The following DIXDC1 variants were observed in gnomAD, a reference collection of about 807,000 sequenced individuals.
DIXDC1 encodes dixin.
Under a neutral mutation model 103.1 loss-of-function variants are expected in DIXDC1, and 64 were observed. That is an observed-to-expected ratio of 0.62 (90% CI 0.51 to 0.76). The LOEUF (loss-of-function observed/expected upper bound fraction) is 0.76. Among genes scored for constraint, DIXDC1 ranks in the 30% least tolerant of loss-of-function variants. The pLI, the probability that DIXDC1 is intolerant of heterozygous loss-of-function variation, is 0.00. For missense variants in DIXDC1, 759 were observed against 834.2 expected (o/e 0.91, Z 1.11); for synonymous variants, 266 against 298.5 (o/e 0.89, Z 1.12).
At chr11:111,986,675 A>T (rs1860502038) in intron 8 of DIXDC1, among the ~76,000 whole-genome samples, 196 bp from the exon 9 acceptor site, 1 of 151,962 alleles carries the variant, frequency 6.6e-6, no homozygotes, top group Admixed American at 6.6e-5. Flanking sequence ...ACCCATACTT[A>T]TTCTAAGCTT....
At chr11:111,944,028 T>A (rs587747246) in intron 1 of DIXDC1, among the ~76,000 whole-genome samples, 1 of 152,124 alleles carries the variant, frequency 6.6e-6, no homozygotes, top group East Asian at 1.9e-4. Context: ...GCTGAAAGAG[T>A]TAATAGAAAA....
chr11:111,967,644 C>A (rs1163578187), intron 2 of DIXDC1, among the ~76,000 whole-genome samples: 1 of 152,178 alleles, frequency 6.6e-6, no homozygotes, highest in Non-Finnish European at 1.5e-5. Flanking sequence ...CTTGCCCAGG[C>A]TAGTCTTGAA....
At position 111,996,157 on chromosome 11, in the gene DIXDC1, A is replaced by G; in HGVS notation, c.1756+11A>G. ...GGCCCCCTAACTCAAGTAAGTACCC[A>G]TTTTTGCTCAGTAGGGACTCCTAGC... On this transcript the variant is annotated intron_variant, in intron 17 of 19. Coordinates refer to ENST00000440460, the MANE Select transcript of DIXDC1 (RefSeq NM_001037954.4). 1 of 1,612,352 alleles carries G rather than the reference A, an allele frequency of 6.2e-7. No homozygotes were observed. Among genetic ancestry groups the G allele is most frequent in the Non-Finnish European group, 8.5e-7 (1 of 1,179,242 alleles).
In DIXDC1 at chr11:111,977,416, G is replaced by C. The variant is rs898922352; in HGVS notation, c.656+2433G>C. 1.4e-4 allele frequency: 160 copies of C among 1,169,660 alleles called. No homozygotes were observed. The African/African-American group carries it at 2.2e-3, about 16-fold the overall frequency. 72.5% of individuals were successfully genotyped at this position (1,169,660 alleles called of 1,614,324 possible). A position where few individuals can be genotyped will look rare whatever the true frequency, so the allele number is the denominator to read the frequency against. On this transcript the variant is annotated intron_variant, in intron 5 of 19. Transcript: ENST00000440460. The surrounding 1 kb of genome is among the most constrained non-coding windows in gnomAD (Gnocchi z 6.1). ...AGATGGGTTGAGATGCCCCCGCCAGGGGGGATGCCCGGCACCGTGCGTCCG... is the reference window on the plus strand; with the variant it reads ...AGATGGGTTGAGATGCCCCCGCCAGCGGGGATGCCCGGCACCGTGCGTCCG...
intron 17 of DIXDC1, among the ~76,000 whole-genome samples, chr11:111,999,516 C>G (rs1861001684): frequency 6.6e-6 from 1 of 152,104 alleles, no homozygotes; most frequent in Non-Finnish European, 1.5e-5. Flanking sequence ...TATTCATGAC[C>G]TTGGATTTGG....
chr11:112,009,856 T>C (rs181803405), intron 17 of DIXDC1, among the ~76,000 whole-genome samples: 3 of 152,232 alleles, frequency 2.0e-5, no homozygotes, highest in South Asian at 4.1e-4. Context: ...CAATATCATA[T>C]TGAATGGGCA....
chr11:111,929,511 A>C (rs1555167436), intron 1 of DIXDC1, among the ~76,000 whole-genome samples: 2 of 147,858 alleles, frequency 1.4e-5, no homozygotes, highest in African/African-American at 2.5e-5. Flanking sequence ...TGAACCCAGG[A>C]GTTAAAGGCT....
In DIXDC1 at chr11:111,986,751, G is replaced by C. The variant is rs587637019; in HGVS notation, c.1009-120G>C. On this transcript the variant is annotated intron_variant, in intron 8 of 19. Transcript: ENST00000440460. Reference sequence around the variant, plus strand: ...CATCAGAGAGCAGGAACTGTTTCCTGTTCTTTGTATCCACAGTACAGAGCT... The same window carrying C: ...CATCAGAGAGCAGGAACTGTTTCCTCTTCTTTGTATCCACAGTACAGAGCT... 8.5e-4 allele frequency: 633 copies of C among 748,416 alleles called. 5 individuals carry two copies. The South Asian group carries it at 0.013, about 16-fold the overall frequency. 46.4% of individuals were successfully genotyped at this position (748,416 alleles called of 1,614,324 possible).
At chr11:111,984,917 G>T (rs1860439268) in intron 7 of DIXDC1, among the ~76,000 whole-genome samples, 1 of 152,146 alleles carries the variant, frequency 6.6e-6, no homozygotes, top group Non-Finnish European at 1.5e-5. Flanking sequence ...AATTGAGTTT[G>T]AGCAGCTCCA....
At chr11:111,979,557 C>T (rs587732423) in intron 5 of DIXDC1, among the ~76,000 whole-genome samples, 2 of 152,304 alleles carry the variant, frequency 1.3e-5, no homozygotes, top group Admixed American at 6.5e-5. Context: ...CACATGGAAG[C>T]ACCAGCCTCA....
rs1861706389 is a variant in DIXDC1, at chr11:112,019,972, A to T, written c.*936A>T. 1 of 152,050 alleles carries T rather than the reference A, an allele frequency of 6.6e-6. No homozygotes were observed. The highest frequency in any genetic ancestry group is 2.4e-5 in the African/African-American group (1 of 41,374). The allele number at this position is 152,050 out of a possible 1,614,324, so 9.4% of individuals were successfully genotyped here. ...CCATTAATTTCAGCATTTCTTTGTG[A>T]TTTATAAGTACTGAGCATGAAGTAC... On this transcript the variant is annotated 3_prime_UTR_variant, in exon 20 of 20. Coordinates refer to ENST00000440460, the MANE Select transcript of DIXDC1 (RefSeq NM_001037954.4).
intron 12 of DIXDC1, 33 bp from the exon 13 acceptor site, chr11:111,993,463 G>T: frequency 6.2e-7 from 1 of 1,612,350 alleles, no homozygotes; most frequent in Non-Finnish European, 8.5e-7. Flanking sequence ...CCCTGGTTTT[G>T]CCGCTCATCT....
chr11:111,992,056 G>GT (rs1301941663), intron 10 of DIXDC1, among the ~76,000 whole-genome samples: 1 of 152,190 alleles, frequency 6.6e-6, no homozygotes, highest in Non-Finnish European at 1.5e-5. Flanking sequence ...CACAAAAGTA[G>GT]TAAGTGGTAG....
rs117708252 is a variant in DIXDC1, at chr11:112,014,212, A to T, written c.1757-2479A>T. On this transcript the variant is annotated intron_variant, in intron 17 of 19. Transcript: ENST00000440460. ...GCTTCCAGTTTGTCCCATCCAATCCATACTTTGCTGCGAGATCAACTTTTC... is the reference window on the plus strand; with the variant it reads ...GCTTCCAGTTTGTCCCATCCAATCCTTACTTTGCTGCGAGATCAACTTTTC... Among the ~76,000 whole-genome samples the T allele has an allele frequency of 5.5e-3, 841 of 152,330 alleles. 3 individuals carry two copies. Among genetic ancestry groups the T allele is most frequent in the Non-Finnish European group, 7.9e-3 (534 of 68,016 alleles).
At position 111,975,974 on chromosome 11, in the gene DIXDC1, C is replaced by A. The variant is rs1555172566; in HGVS notation, c.656+991C>A. The A allele has an allele frequency of 4.6e-6, 4 of 876,068 alleles. No homozygotes were observed. The African/African-American group carries it at 7.3e-5, about 16-fold the overall frequency. 54.3% of individuals were successfully genotyped at this position (876,068 alleles called of 1,614,324 possible). A position where few individuals can be genotyped will look rare whatever the true frequency, so the allele number is the denominator to read the frequency against. On this transcript the variant is annotated intron_variant, in intron 5 of 19. Transcript: ENST00000440460. ...TAAAATTCACATAACATAAAATTAA[C>A]CATTAAACATTATAAAGTGTACAAT...
chr11:111,977,872 C>A lies in DIXDC1; in HGVS notation c.657-2865C>A. The A allele has an allele frequency of 6.9e-7, 1 of 1,457,980 alleles. No homozygotes were observed. Among genetic ancestry groups the A allele is most frequent in the Non-Finnish European group, 9.1e-7 (1 of 1,101,526 alleles). 90.3% of individuals were successfully genotyped at this position (1,457,980 alleles called of 1,614,324 possible). On this transcript the variant is annotated intron_variant, in intron 5 of 19. Coordinates refer to ENST00000440460, the MANE Select transcript of DIXDC1 (RefSeq NM_001037954.4). The surrounding 1 kb of genome is among the most constrained non-coding windows in gnomAD (Gnocchi z 6.1). ...GGCAGGGCTGGAGGATGCTGTTGGC[C>A]GGAGACAGGCGGGGTGGTGGGAGCA...
rs1555177785 is a variant in DIXDC1 at position 112,016,786 on chromosome 11, A to G, written c.1852A>G (p.Ile618Val). 3 of 1,604,944 alleles carry G rather than the reference A, an allele frequency of 1.9e-6. No homozygotes were observed. The highest frequency in any genetic ancestry group is 2.2e-5 in the East Asian group (1 of 44,758). The stretch of plus-strand genomic sequence containing the variant: ...GTCACTTACGCCCTTCATGGTCAAT[A>G]TACCAAAGAGGTGAGATTCTGGGAT... ...DRSLTPFMVN[I>V]PKRLEEVTLK... Residue 618 changes from isoleucine (I) to valine (V), a missense_variant, in exon 18 of 20, where the codon ATA becomes GTA. Around this residue, in one of 3 missense-constraint regions of DIXDC1, gnomAD observed 657 missense variants for 727.5 expected, o/e 0.90. Coordinates refer to ENST00000440460, the MANE Select transcript of DIXDC1 (RefSeq NM_001037954.4).
chr11:111,974,043 A>T lies in DIXDC1; in HGVS notation c.337A>T (p.Lys113Ter). ...SAKDIVDGNL[K>*]SIMRLVLALA... is the part of the protein sequence containing the mutation. ...TTCAGATATTGTGGATGGAAACCTG[A>T]AGTCTATCATGAGGCTGGTCCTTGC... The change falls in exon 4 of 20, where the codon AAG (lysine) becomes TAG (stop). Residue 113 changes from lysine to a stop codon, truncating the protein, a stop_gained. Coordinates refer to ENST00000440460, the MANE Select transcript of DIXDC1 (RefSeq NM_001037954.4). LOFTEE classifies it high-confidence loss of function. 1 of 1,613,902 alleles carries T rather than the reference A, an allele frequency of 6.2e-7. No homozygotes were observed. The highest frequency in any genetic ancestry group is 8.5e-7 in the Non-Finnish European group (1 of 1,179,894).
Position 112,019,137 on chromosome 11 carries a change from T to C in DIXDC1, c.*101T>C. Reference sequence around the variant, plus strand: ...CAGAATACACTAAGAAGTTTCTAGTTTGTGTGCCAAAACAGAAGCTTCTCC... The same window carrying C: ...CAGAATACACTAAGAAGTTTCTAGTCTGTGTGCCAAAACAGAAGCTTCTCC... On this transcript the variant is annotated 3_prime_UTR_variant, in exon 20 of 20. Transcript: ENST00000440460. The C allele has an allele frequency of 2.0e-6, 2 of 1,002,222 alleles. No individual in the cohort carries two copies. Among genetic ancestry groups the C allele is most frequent in the South Asian group, 1.6e-5 (1 of 63,552 alleles). The allele number at this position is 1,002,222 out of a possible 1,614,324, so 62.1% of individuals were successfully genotyped here. A position where few individuals can be genotyped will look rare whatever the true frequency, so the allele number is the denominator to read the frequency against.
Sources: gnomAD v4.1 joint callset for allele counts (sites outside exome capture counted in the v4.1 genomes callset) on GRCh38, gnomAD v4.1.1 for gene constraint, gnomAD v4.1.1 regional missense constraint, Gnocchi (gnomAD v3.1) non-coding constraint, MANE v1.5 for transcripts, NCBI Gene and HGNC (gene_info 2026-07-23, HGNC 2026-07-21) for gene names.